FRAS1: variants seen among roughly 807,000 people sequenced by gnomAD.
FRAS1 encodes extracellular matrix organizing protein FRAS1.
Under a neutral mutation model 435.2 loss-of-function variants are expected in FRAS1, and 290 were observed. That is an observed-to-expected ratio of 0.67 (90% CI 0.61 to 0.73). FRAS1 has a LOEUF of 0.73. Ranked by LOEUF, FRAS1 falls within the 30% of genes least tolerant of loss-of-function variation. The pLI is 0.00. For synonymous variants in FRAS1, 1,800 were observed against 1,851.0 expected (o/e 0.97, Z 0.71); for missense variants, 4,860 against 5,001.5 (o/e 0.97, Z 0.85).
chr4:78,378,111 TCTC>T (rs573364684), intron 26 of FRAS1, among the ~76,000 whole-genome samples: 15 of 152,220 alleles, frequency 9.9e-5, no homozygotes, highest in Admixed American at 3.9e-4. Context: ...AAACCACTAA[TCTC>T]CTTCTGTCTC....
intron 59 of FRAS1, among the ~76,000 whole-genome samples, chr4:78,491,283 G>A (rs1720344041): frequency 6.6e-6 from 1 of 152,164 alleles, no homozygotes; most frequent in Admixed American, 6.5e-5. Context: ...TAGAAAAAGA[G>A]GGACTCCTTC....
chr4:78,343,430 CCTCCCTCCCTCT>C (rs75373567), intron 20 of FRAS1, among the ~76,000 whole-genome samples: 25,391 of 149,704 alleles, frequency 0.17, 2,877 homozygotes, highest in African/African-American at 0.33. Flanking sequence ...TCCCTCCCTC[CCTCCCTCCCTCT>C]CTCTCTCTCT....
intron 4 of FRAS1, 41 bp downstream of exon 4, chr4:78,245,366 A>T (rs772355918): frequency 1.8e-5 from 24 of 1,337,706 alleles, no homozygotes; most frequent in Non-Finnish European, 2.4e-5. Context: ...GTGTCTGCAG[A>T]TCTCTGACAA....
intron 20 of FRAS1, among the ~76,000 whole-genome samples, chr4:78,361,510 C>T (rs1005740020): frequency 3.3e-5 from 5 of 152,178 alleles, no homozygotes; most frequent in Non-Finnish European, 5.9e-5. Context: ...TTGAGGCAGA[C>T]TCTTGTGGCT....
At chr4:78,240,512 A>G (rs1578201829) in intron 3 of FRAS1, among the ~76,000 whole-genome samples, 3 of 152,194 alleles carry the variant, frequency 2.0e-5, no homozygotes, top group African/African-American at 7.2e-5. Context: ...TATTGAGAAT[A>G]CAGGAGGATT....
intron 32 of FRAS1, among the ~76,000 whole-genome samples, chr4:78,413,710 G>T (rs999509558): frequency 1.3e-5 from 2 of 152,204 alleles, no homozygotes; most frequent in Non-Finnish European, 2.9e-5. Flanking sequence ...GAGAAATCAG[G>T]AAGGCAGCAA....
chr4:78,099,548 A>G (rs1405146865), intron 2 of FRAS1, among the ~76,000 whole-genome samples: 1 of 152,216 alleles, frequency 6.6e-6, no homozygotes, highest in Non-Finnish European at 1.5e-5. Context: ...ACTCTTATAA[A>G]CACTTACTAT....
At chr4:78,432,743 C>T in intron 38 of FRAS1, 139 bp downstream of exon 38, 1 of 947,060 alleles carries the variant, frequency 1.1e-6, no homozygotes, top group South Asian at 2.0e-5. Context: ...GCTTCCCTAC[C>T]TTCTACTGTT....
chr4:78,120,970 C>A (rs1718982603), intron 2 of FRAS1, among the ~76,000 whole-genome samples: 1 of 152,204 alleles, frequency 6.6e-6, no homozygotes, highest in African/African-American at 2.4e-5. Flanking sequence ...TTAACCCCAA[C>A]ACAAATCAAG....
At chr4:78,148,600 T>A (rs1313122396) in intron 2 of FRAS1, among the ~76,000 whole-genome samples, 2 of 152,240 alleles carry the variant, frequency 1.3e-5, no homozygotes, top group Non-Finnish European at 2.9e-5. Flanking sequence ...GCTACAGTGC[T>A]ATTAATTATG....
rs752116585 is a variant in FRAS1, at chr4:78,481,821, G to A, written c.8461G>A (p.Val2821Ile). 2.2e-5 allele frequency: 36 copies of A among 1,613,750 alleles called. No homozygotes were observed. Among genetic ancestry groups the A allele is most frequent in the Non-Finnish European group, 2.8e-5 (33 of 1,179,822 alleles). The change falls in exon 57 of 74, where the codon GTT (valine) becomes ATT (isoleucine). Residue 2821 changes from valine (V) to isoleucine (I), a missense_variant. Val to Ile is a conservative substitution (Grantham distance 29). Coordinates refer to ENST00000512123, the MANE Select transcript of FRAS1 (RefSeq NM_025074.7). ...SEDAGTVKIP[V>I]IRHGTDLSTF... is the part of the protein sequence containing the mutation. Reference sequence around the variant, plus strand: ...TAATTCAGGCACAGTAAAGATTCCAGTTATCCGCCATGGTACTGACCTCTC... The same window carrying A: ...TAATTCAGGCACAGTAAAGATTCCAATTATCCGCCATGGTACTGACCTCTC...
At chr4:78,073,386 T>G (rs1296893576) in intron 2 of FRAS1, among the ~76,000 whole-genome samples, 1 of 152,206 alleles carries the variant, frequency 6.6e-6, no homozygotes, top group Non-Finnish European at 1.5e-5. Context: ...AAGATGCAGT[T>G]GAGCTTGGAA....
At chr4:78,504,065 A>G (rs1720758162) in intron 61 of FRAS1, among the ~76,000 whole-genome samples, 1 of 152,186 alleles carries the variant, frequency 6.6e-6, no homozygotes, top group Non-Finnish European at 1.5e-5. Context: ...ATTTGATTAC[A>G]CTGTGGTCTG....
chr4:78,512,395 C>T (rs551975422), intron 64 of FRAS1, among the ~76,000 whole-genome samples: 1 of 152,216 alleles, frequency 6.6e-6, no homozygotes, highest in African/African-American at 2.4e-5. Flanking sequence ...AAAAAAGGCC[C>T]TCCTCTTCAC....
At chr4:78,506,209 G>A (rs534379948) in intron 61 of FRAS1, among the ~76,000 whole-genome samples, 2 of 152,332 alleles carry the variant, frequency 1.3e-5, no homozygotes, top group African/African-American at 2.4e-5. Flanking sequence ...AGGGGTCAGG[G>A]ACCCACTTGA....
At chr4:78,205,218 T>C (rs1723206935) in intron 2 of FRAS1, among the ~76,000 whole-genome samples, 1 of 152,030 alleles carries the variant, frequency 6.6e-6, no homozygotes, top group South Asian at 2.1e-4. Context: ...TTTTGTTTTT[T>C]TGAGACAGGA....
Position 78,203,597 on chromosome 4 carries a change from G to A in FRAS1, c.109-33913G>A, listed in dbSNP as rs146015186. 1.3e-4 allele frequency among the ~76,000 whole-genome samples: 19 copies of A among 151,202 alleles called. No individual in the cohort carries two copies. The East Asian group carries it at 3.1e-3, about 25-fold the overall frequency. ...TTATTTTATTTTTAGATGGAGTTTC[G>A]TTCTTTTTACCCAAGCTGGAGTGCA... On this transcript the variant is annotated intron_variant, in intron 2 of 73. Transcript: ENST00000512123.
intron 2 of FRAS1, among the ~76,000 whole-genome samples, chr4:78,132,047 T>C (rs1054570525): frequency 1.3e-5 from 2 of 152,182 alleles, no homozygotes; most frequent in African/African-American, 4.8e-5. Context: ...AGCCTGTAAA[T>C]GTTAAAATTC....
rs574512818 is a variant in FRAS1, at chr4:78,277,206, C to T, written c.982-1449C>T. Among the ~76,000 whole-genome samples the T allele has an allele frequency of 1.2e-4, 19 of 152,258 alleles. No homozygotes were observed. In the East Asian group the frequency reaches 1.5e-3, roughly 12 times the overall value. ...GGGAGTAACCCAATTTTCCAGGTGC[C>T]GTCTGTCACAGCTTCCCTTGGCTAG... is the stretch of plus-strand genomic sequence containing the variant. On this transcript the variant is annotated intron_variant, in intron 9 of 73. Transcript: ENST00000512123.
Sources: gnomAD v4.1 joint callset for allele counts (sites outside exome capture counted in the v4.1 genomes callset) on GRCh38, gnomAD v4.1.1 for gene constraint, MANE v1.5 for transcripts, NCBI Gene and HGNC (gene_info 2026-07-23, HGNC 2026-07-21) for gene names.